The following TRAPPC4 variants were observed in gnomAD, a reference collection of about 807,000 sequenced individuals.
TRAPPC4 encodes TRS23 homolog.
Under a neutral mutation model 23.5 loss-of-function variants are expected in TRAPPC4, and 30 were observed. The ratio of observed to expected loss-of-function variants is 1.28; its 90% CI spans 0.96 to 1.73. TRAPPC4 has a LOEUF of 1.73. Ranked by LOEUF, TRAPPC4 falls within the 40% of genes most tolerant of loss-of-function variation. TRAPPC4 has a pLI of 0.00. For missense variants in TRAPPC4, 252 were observed against 268.9 expected, an observed-to-expected ratio of 0.94 and a Z score of 0.44; for synonymous variants, 129 against 105.3, an observed-to-expected ratio of 1.23 and a Z score of -1.38.
At chr11:119,019,663 A>ACCGTGATCTGCCCGC (rs1336972808) in intron 2 of TRAPPC4, 1 of 242,832 alleles carries the variant, frequency 4.1e-6, no homozygotes, top group African/African-American at 2.3e-5. Context: ...CTGGTCTCAA[A>ACCGTGATCTGCCCGC]CTCCTGACCT....
At chr11:119,023,068 G>A (rs1306751956) in intron 4 of TRAPPC4, 5 of 272,406 alleles carry the variant, frequency 1.8e-5, no homozygotes, top group East Asian at 7.4e-5. Flanking sequence ...GGGTTCAGGC[G>A]ATTCTTTTGT....
chr11:119,020,438 T>C lies in TRAPPC4; in HGVS notation c.454+185T>C, dbSNP rs1305068613. 18 of 531,472 alleles carry C rather than the reference T, an allele frequency of 3.4e-5. No individual in the cohort carries two copies. In the East Asian group the frequency reaches 5.4e-4, roughly 16 times the overall value. 32.9% of individuals were successfully genotyped at this position (531,472 alleles called of 1,614,324 possible). A position where few individuals can be genotyped will look rare whatever the true frequency, so the allele number is the denominator to read the frequency against. ...TTTTCCTGGCACAATTCTTTTTTTT[T>C]TTGAAATGTTTCACTCTTGTTGCCC... On this transcript the variant is annotated intron_variant, in intron 3 of 4. Coordinates refer to ENST00000533632, the MANE Select transcript of TRAPPC4 (RefSeq NM_016146.6).
intron 2 of TRAPPC4, 80 bp downstream of exon 2, chr11:119,019,397 AC>A: frequency 2.1e-6 from 3 of 1,451,656 alleles, no homozygotes; most frequent in Non-Finnish European, 2.8e-6. Context: ...GTTATGAAAA[AC>A]GCAACCGATC....
rs1372305203 is a variant in TRAPPC4 at position 119,020,208 on chromosome 11, C to T, written c.409C>T (p.Leu137=). Residue 137 remains leucine (L), a synonymous_variant, in exon 3 of 5, where the codon CTG becomes TTG. Transcript: ENST00000533632. ...ACAGGGAAGCTCAGGCATTGAGATG[C>T]TGGAGACAGACACATTCAAATTGCA... ...PEQGSSGIEM[L]ETDTFKLHCY... is the part of the protein sequence containing the mutation. 9 of 1,613,938 alleles carry T rather than the reference C, an allele frequency of 5.6e-6. No individual in the cohort carries two copies. In the South Asian group the frequency reaches 9.9e-5, roughly 18 times the overall value.
At position 119,019,193 on chromosome 11, in the gene TRAPPC4, A is replaced by G. The variant is rs781934167; in HGVS notation, c.226A>G (p.Thr76Ala). 3.1e-6 allele frequency: 5 copies of G among 1,614,182 alleles called. No individual in the cohort carries two copies. The highest frequency in any genetic ancestry group is 2.2e-5 in the East Asian group (1 of 44,882). The change falls in exon 2 of 5, where the codon ACG becomes GCG. Residue 76 changes from threonine (T) to alanine (A), a missense_variant. Thr to Ala is a moderately conservative substitution (Grantham distance 58, BLOSUM62 0). Coordinates refer to ENST00000533632, the MANE Select transcript of TRAPPC4 (RefSeq NM_016146.6). ...INGMDVNGRY[T>A]ADGKEVLEYL... ...TGGCATGGACGTGAATGGCAGGTAC[A>G]CGGCCGACGGGAAAGAGGTGCTGGA...
In TRAPPC4 at chr11:119,018,799, G is replaced by T; in HGVS notation, c.4G>T (p.Ala2Ser). Residue 2 changes from alanine to serine, a missense_variant, in exon 1 of 5, where the codon GCG (alanine) becomes TCG (serine). Coordinates refer to ENST00000533632, the MANE Select transcript of TRAPPC4 (RefSeq NM_016146.6). M[A>S]IFSVYVVNKA... ...GTTTCCGAGCGGCAAGGCAGCGATG[G>T]CGATTTTTAGTGTGTATGTGGTGAA... The T allele has an allele frequency of 1.2e-6, 2 of 1,611,672 alleles. No homozygotes were observed. Among genetic ancestry groups the T allele is most frequent in the Admixed American group, 3.3e-5 (2 of 59,984 alleles).
chr11:119,021,468 T>G, intron 3 of TRAPPC4: 1 of 273,696 alleles, frequency 3.7e-6, no homozygotes, highest in Non-Finnish European at 7.0e-6. Context: ...CCTGACTTTG[T>G]CCCCTGCCTG....
intron 3 of TRAPPC4, 76 bp from the exon 4 acceptor site, chr11:119,021,684 A>C (rs1943361457): frequency 1.3e-6 from 2 of 1,519,570 alleles, no homozygotes; most frequent in Non-Finnish European, 1.8e-6. Flanking sequence ...CAAAATTGAA[A>C]GTGCTGTACA....
chr11:119,019,270 C>T lies in TRAPPC4; in HGVS notation c.303C>T (p.Pro101=). The T allele has an allele frequency of 1.2e-6, 2 of 1,614,192 alleles. No individual in the cohort carries two copies. Among genetic ancestry groups the T allele is most frequent in the South Asian group, 1.1e-5 (1 of 91,086 alleles). The change falls in exon 2 of 5, where the codon CCC becomes CCT. Residue 101 remains proline (P), a synonymous_variant. Transcript: ENST00000533632. ...NYPVSIRFGR[P]RLTSNEKLML... Reference sequence around the variant, plus strand: ...CGGTGTCCATTCGATTTGGCCGGCCCCGCCTCACTTCTAATGAGAAGCTTA... The same window carrying T: ...CGGTGTCCATTCGATTTGGCCGGCCTCGCCTCACTTCTAATGAGAAGCTTA...
chr11:119,019,910 C>G, intron 2 of TRAPPC4: 1 of 441,680 alleles, frequency 2.3e-6, no homozygotes, highest in Non-Finnish European at 4.1e-6. Context: ...GGCACATATT[C>G]CTAGAGTATT....
chr11:119,023,228 A>G, intron 4 of TRAPPC4, 93 bp from the exon 5 acceptor site: 1 of 1,214,856 alleles, frequency 8.2e-7, no homozygotes. Flanking sequence ...GCCTTCCATG[A>G]TATATGTTGT....
At chr11:119,019,007 G>C in intron 1 of TRAPPC4, 37 bp downstream of exon 1, 1 of 1,602,926 alleles carries the variant, frequency 6.2e-7, no homozygotes, top group Non-Finnish European at 8.5e-7. Context: ...GTGCGGGGGT[G>C]GGAGGGCCCC....
At chr11:119,019,981 C>T in intron 2 of TRAPPC4, 169 bp from the exon 3 acceptor site, 1 of 531,758 alleles carries the variant, frequency 1.9e-6, no homozygotes, top group African/African-American at 1.9e-5. Flanking sequence ...GTAAAATATT[C>T]ACAGAATTCA....
At position 119,019,718 on chromosome 11, in the gene TRAPPC4, G is replaced by A. The variant is rs564547894; in HGVS notation, c.350+401G>A. ...GGCTTCCCAAAGTGCTGGGATTACA[G>A]GAGTGAGCCACCGCGCCCGGCCGAG... On this transcript the variant is annotated intron_variant, in intron 2 of 4. Coordinates refer to ENST00000533632, the MANE Select transcript of TRAPPC4 (RefSeq NM_016146.6). 1.5e-5 allele frequency: 3 copies of A among 206,796 alleles called. No homozygotes were observed. The South Asian group carries it at 2.1e-4, about 15-fold the overall frequency. The allele number at this position is 206,796 out of a possible 1,614,324, so 12.8% of individuals were successfully genotyped here.
chr11:119,019,437 G>A, intron 2 of TRAPPC4, 120 bp downstream of exon 2: 4 of 1,130,506 alleles, frequency 3.5e-6, no homozygotes, highest in Admixed American at 2.5e-5. Flanking sequence ...AATAACGGCA[G>A]TGGTGTCATC....
In TRAPPC4 at chr11:119,023,392, G is replaced by A; in HGVS notation, c.653G>A (p.Gly218Glu). 1.2e-6 allele frequency: 2 copies of A among 1,613,966 alleles called. No individual in the cohort carries two copies. The highest frequency in any genetic ancestry group is 1.7e-6 in the Non-Finnish European group (2 of 1,179,924). The change falls in exon 5 of 5, where the codon GGG (glycine) becomes GAG (glutamate). Residue 218 changes from glycine to glutamate, a missense_variant. Coordinates refer to ENST00000533632, the MANE Select transcript of TRAPPC4 (RefSeq NM_016146.6). ...GAGAAGGCTGGAACTTTTGGACCTG[G>A]GTCATAGGCTGAACCTGTTATGGAC... is the stretch of plus-strand genomic sequence containing the variant. Reference protein sequence around the residue: ...VAEKAGTFGPGS With the variant: ...VAEKAGTFGPES
At chr11:119,022,595 A>G (rs1315566224) in intron 4 of TRAPPC4, among the ~76,000 whole-genome samples, 3 of 151,496 alleles carry the variant, frequency 2.0e-5, no homozygotes, top group South Asian at 2.1e-4. Flanking sequence ...CTCTAAATAA[A>G]TAAGACAACA....
Position 119,023,530 on chromosome 11 carries a change from T to C in TRAPPC4, c.*131T>C, listed in dbSNP as rs1464632079. 2.5e-6 allele frequency: 2 copies of C among 797,812 alleles called. No homozygotes were observed. Among genetic ancestry groups the C allele is most frequent in the African/African-American group, 3.4e-5 (2 of 58,524 alleles). 49.4% of individuals were successfully genotyped at this position (797,812 alleles called of 1,614,324 possible). A position where few individuals can be genotyped will look rare whatever the true frequency, so the allele number is the denominator to read the frequency against. On this transcript the variant is annotated 3_prime_UTR_variant, in exon 5 of 5. Coordinates refer to ENST00000533632, the MANE Select transcript of TRAPPC4 (RefSeq NM_016146.6). ...TGGGAGAATGCTGACCCTGATGACT[T>C]GTACTGATTCCTGAGCCTTAACACT...
intron 4 of TRAPPC4, 95 bp downstream of exon 4, chr11:119,021,981 T>C: frequency 1.4e-6 from 2 of 1,456,072 alleles, no homozygotes; most frequent in Non-Finnish European, 1.9e-6. Context: ...AGAGTATTAC[T>C]TTTTTTGTTT....
Sources: allele counts gnomAD v4.1 joint callset (sites outside exome capture counted in the v4.1 genomes callset), GRCh38; gene constraint gnomAD v4.1.1; transcripts MANE v1.5; gene names NCBI Gene and HGNC (gene_info 2026-07-23, HGNC 2026-07-21).